The following PRDX2 variants were observed in gnomAD, a reference collection of about 807,000 sequenced individuals.
PRDX2 encodes peroxiredoxin-2.
Under a neutral mutation model 19.8 loss-of-function variants are expected in PRDX2, and 10 were observed. The observed-to-expected ratio is 0.50, with a 90% confidence interval of 0.31 to 0.86. The LOEUF (loss-of-function observed/expected upper bound fraction) is 0.86. PRDX2 is among the 40% of genes least tolerant of loss of function. PRDX2 has a pLI of 0.04. For missense variants in PRDX2, 226 were observed against 260.1 expected (o/e 0.87, Z 0.90); for synonymous variants, 118 against 108.2 (o/e 1.09, Z -0.56).
chr19:12,800,831 G>A, intron 3 of PRDX2, 85 bp downstream of exon 3: 1 of 1,553,356 alleles, frequency 6.4e-7, no homozygotes, highest in South Asian at 1.2e-5. Context: ...GGTTCCAGAG[G>A]TTGAGCAATG....
At chr19:12,798,918 T>C (rs542992991) in intron 5 of PRDX2, among the ~76,000 whole-genome samples, 1 of 151,836 alleles carries the variant, frequency 6.6e-6, no homozygotes, top group East Asian at 1.9e-4. Context: ...GTTGTTGTTT[T>C]TGAGATGGAG....
At chr19:12,800,818 G>A (rs1353840106) in intron 3 of PRDX2, 98 bp downstream of exon 3, 4 of 1,550,654 alleles carry the variant, frequency 2.6e-6, no homozygotes, top group South Asian at 1.2e-5. Flanking sequence ...ATGGGGAAAC[G>A]CAGGTTCCAG....
At chr19:12,800,381 C>A in intron 3 of PRDX2, 82 bp from the exon 4 acceptor site, 1 of 1,518,628 alleles carries the variant, frequency 6.6e-7, no homozygotes, top group Admixed American at 2.0e-5. Context: ...ATGTGATAAG[C>A]ACTGGAGGCC....
chr19:12,800,165 G>T lies in PRDX2; in HGVS notation c.380+12C>A, dbSNP rs10413408. ...GGGCGCTCCCTGAGCCGGGCTGAGGGTCCCACAGTACCTGTAGGCAATGCC... is the reference window on the plus strand; with the variant it reads ...GGGCGCTCCCTGAGCCGGGCTGAGGTTCCCACAGTACCTGTAGGCAATGCC... On this transcript the variant is annotated intron_variant, in intron 4 of 5. Transcript: ENST00000301522. The T allele has an allele frequency of 0.04, 64,954 of 1,612,648 alleles. 2,132 individuals are homozygous for T. The highest frequency in any genetic ancestry group is 0.16 in the African/African-American group (12,142 of 74,966).
chr19:12,799,656 G>T, intron 5 of PRDX2: 2 of 580,634 alleles, frequency 3.4e-6, no homozygotes, highest in Non-Finnish European at 5.5e-6. Flanking sequence ...CACTGAGCCC[G>T]GCCCCTTTGT....
Position 12,801,770 on chromosome 19 carries a change from A to G in PRDX2, c.-40T>C, listed in dbSNP as rs1031673880. The G allele has an allele frequency of 6.1e-6, 2 of 329,596 alleles. No individual in the cohort carries two copies. Among genetic ancestry groups the G allele is most frequent in the Non-Finnish European group, 5.5e-6 (1 of 181,556 alleles). 20.4% of individuals were successfully genotyped at this position (329,596 alleles called of 1,614,324 possible). ...TGGGCAAAGGCTAGACGCACGGACG[A>G]TCACACGCGTGGACCCGCGTTCTCA... is the stretch of plus-strand genomic sequence containing the variant. On this transcript the variant is annotated 5_prime_UTR_variant, in exon 1 of 6. Transcript: ENST00000301522.
At chr19:12,801,568 G>A (rs1452019673) in intron 1 of PRDX2, among the ~76,000 whole-genome samples, 172 bp downstream of exon 1, 2 of 152,250 alleles carry the variant, frequency 1.3e-5, no homozygotes, top group African/African-American at 4.8e-5. Context: ...CAGGGGGCGG[G>A]AAGTCGGGCG....
In PRDX2 at chr19:12,799,976, T is replaced by C; in HGVS notation, c.394A>G (p.Ile132Val). The C allele has an allele frequency of 1.2e-6, 2 of 1,613,844 alleles. No individual in the cohort carries two copies. The highest frequency in any genetic ancestry group is 1.7e-6 in the Non-Finnish European group (2 of 1,179,904). Residue 132 changes from isoleucine to valine, a missense_variant, in exon 5 of 6, where the codon ATC becomes GTC. Transcript: ENST00000301522. The part of the protein sequence containing the change: ...EGIAYRGLFI[I>V]DGKGVLRQIT... ...TGGCGAAGGACACCCTTGCCATCGA[T>C]GATAAAGAGGCCCCTGAAGACATCA... is the stretch of plus-strand genomic sequence containing the variant.
Position 12,796,957 on chromosome 19 carries a change from G to A in PRDX2, c.*124C>T, listed in dbSNP as rs1056620491. 39 of 908,674 alleles carry A rather than the reference G, an allele frequency of 4.3e-5. No individual in the cohort carries two copies. The East Asian group carries it at 9.8e-4, about 23-fold the overall frequency. The allele number at this position is 908,674 out of a possible 1,614,324, so 56.3% of individuals were successfully genotyped here. ...GCCTAGCCCTCCAGGGTCCCATACT[G>A]TGGAGTTTGGAGGGGCAGGTCTGGC... On this transcript the variant is annotated 3_prime_UTR_variant, in exon 6 of 6. Coordinates refer to ENST00000301522, the MANE Select transcript of PRDX2 (RefSeq NM_005809.6).
chr19:12,801,172 C>G lies in PRDX2; in HGVS notation c.90G>C (p.Leu30=), dbSNP rs760367085. 1 of 1,614,044 alleles carries G rather than the reference C, an allele frequency of 6.2e-7. No individual in the cohort carries two copies. ...VVDGAFKEVK[L]SDYKGKYVVL... ...GGCGGCGCTCACCTTTGTAGTCCGA[C>G]AGCTTCACCTCTTTGAAGGCGCCAT... The change falls in exon 2 of 6, where the codon CTG becomes CTC. Residue 30 remains leucine (L), a synonymous_variant. Transcript: ENST00000301522.
rs759226575 is a variant in PRDX2 at position 12,799,840 on chromosome 19, CAT to C, written c.511+17_511+18del. 8.2e-5 allele frequency: 132 copies of C among 1,610,922 alleles called. No individual in the cohort carries two copies. The highest frequency in any genetic ancestry group is 1.0e-4 in the Non-Finnish European group (121 of 1,179,244). ...AGGCGCTCAGTATGTACCCATGTGT[CAT>C]GTGTGTATCTGCTCACCTTCCCCAT... is the stretch of plus-strand genomic sequence containing the variant. On this transcript the variant is annotated intron_variant, in intron 5 of 5. Transcript: ENST00000301522.
intron 5 of PRDX2, among the ~76,000 whole-genome samples, chr19:12,797,753 G>A (rs954590953): frequency 5.5e-5 from 8 of 145,962 alleles, no homozygotes; most frequent in Non-Finnish European, 1.0e-4. Context: ...TGCCTCCCGC[G>A]TTCAAGTGAT....
chr19:12,801,705 G>A (rs1340160144), intron 1 of PRDX2, 35 bp downstream of exon 1: 1 of 295,688 alleles, frequency 3.4e-6, no homozygotes, highest in East Asian at 6.3e-5. Flanking sequence ...GCCTGAAGGG[G>A]GTCCTCCCGC....
At position 12,801,205 on chromosome 19, in the gene PRDX2, C is replaced by T; in HGVS notation, c.57G>A (p.Ala19=). Residue 19 remains alanine, a synonymous_variant, in exon 2 of 6, where the codon GCG becomes GCA. Transcript: ENST00000301522. ...CCTCTTTGAAGGCGCCATCAACCAC[C>T]GCTGTGGCCTTGAAGTCAGGGGCTG... ...GKPAPDFKAT[A]VVDGAFKEVK... The T allele has an allele frequency of 8.7e-6, 14 of 1,614,062 alleles. No individual in the cohort carries two copies. The highest frequency in any genetic ancestry group is 1.1e-5 in the Non-Finnish European group (13 of 1,180,020).
At chr19:12,801,582 A>C (rs12151144) in intron 1 of PRDX2, among the ~76,000 whole-genome samples, 158 bp downstream of exon 1, 32,315 of 152,250 alleles carry the variant, frequency 0.21, 5,626 homozygotes, top group African/African-American at 0.48. Flanking sequence ...TCGGGCGATC[A>C]GGCCTGCGCT....
Position 12,800,933 on chromosome 19 carries a change from C to G in PRDX2, c.240G>C (p.Gln80His). 6.2e-7 allele frequency: 1 copy of G among 1,610,854 alleles called. No individual in the cohort carries two copies. The highest frequency in any genetic ancestry group is 8.5e-7 in the Non-Finnish European group (1 of 1,178,974). The change falls in exon 3 of 6, where the codon CAG (glutamine) becomes CAC (histidine). Residue 80 changes from glutamine to histidine, a missense_variant. Gln to His is a conservative substitution (Grantham distance 24, BLOSUM62 0). Coordinates refer to ENST00000301522, the MANE Select transcript of PRDX2 (RefSeq NM_005809.6). ...CEVLGVSVDSQFTHLAWINTP... is the reference protein window; with the variant it reads ...CEVLGVSVDSHFTHLAWINTP... ...GCTCATACCAAGCCAGGTGGGTGAA[C>G]TGAGAGTCCACCGAGACGCCCAGCA...
At chr19:12,800,789 T>G in intron 3 of PRDX2, 127 bp downstream of exon 3, 1 of 1,547,608 alleles carries the variant, frequency 6.5e-7, no homozygotes, top group Non-Finnish European at 8.7e-7. Context: ...TGGGCGGCAA[T>G]GTTTCCATTA....
At chr19:12,799,696 G>C in intron 5 of PRDX2, 163 bp downstream of exon 5, 2 of 980,058 alleles carry the variant, frequency 2.0e-6, no homozygotes, top group South Asian at 3.5e-5. Context: ...GGCGTTATTT[G>C]TCTCCTACCA....
intron 5 of PRDX2, among the ~76,000 whole-genome samples, chr19:12,798,905 G>T (rs10405448): frequency 0.069 from 10,490 of 151,182 alleles, 604 homozygotes; most frequent in African/African-American, 0.16. Flanking sequence ...AGGTTTTTTT[G>T]TTGTTGTTGT....
Sources: allele counts gnomAD v4.1 joint callset (sites outside exome capture counted in the v4.1 genomes callset), GRCh38; gene constraint gnomAD v4.1.1; transcripts MANE v1.5; gene names NCBI Gene and HGNC (gene_info 2026-07-23, HGNC 2026-07-21).